The following CTNND2 variants were observed in gnomAD, a reference collection of about 807,000 sequenced individuals.
The protein encoded by CTNND2 is catenin delta 2, also known as catenin delta-2.
Under a neutral mutation model 144.4 loss-of-function variants are expected in CTNND2, and 22 were observed. The observed-to-expected ratio is 0.15, with a 90% confidence interval of 0.11 to 0.22. The LOEUF is 0.22. Among genes scored for constraint, CTNND2 ranks in the 10% least tolerant of loss-of-function variants. CTNND2 has a pLI of 1.00. For missense variants in CTNND2, 1,353 were observed against 1,618.8 expected (o/e 0.84, Z 2.82); for synonymous variants, 751 against 695.6 (o/e 1.08, Z -1.25).
intron 1 of CTNND2, among the ~76,000 whole-genome samples, chr5:11,859,263 T>C (rs1307141383): frequency 6.6e-6 from 1 of 152,246 alleles, no homozygotes; most frequent in Non-Finnish European, 1.5e-5. Context: ...TGCCATTATG[T>C]GTTATGCTTA....
chr5:11,026,651 A>G (rs547454434), intron 16 of CTNND2, among the ~76,000 whole-genome samples: 63 of 152,178 alleles, frequency 4.1e-4, no homozygotes, highest in Admixed American at 1.0e-3. Context: ...GCCACCATGC[A>G]CAGCTGACTC....
intron 3 of CTNND2, among the ~76,000 whole-genome samples, chr5:11,526,332 C>T (rs1773243871): frequency 2.0e-5 from 3 of 152,244 alleles, no homozygotes; most frequent in Admixed American, 2.0e-4. Flanking sequence ...AGCCGCCATA[C>T]AAACTTAACT....
At chr5:11,296,053 A>C (rs1189345911) in intron 9 of CTNND2, among the ~76,000 whole-genome samples, 1 of 124,398 alleles carries the variant, frequency 8.0e-6, no homozygotes, top group Non-Finnish European at 1.7e-5. Context: ...GGCAACCTAC[A>C]GAATGGGAGA....
rs144216994 is a variant in CTNND2, at chr5:11,763,407, A to T, written c.38-31135T>A. On this transcript the variant is annotated intron_variant, in intron 1 of 21. Transcript: ENST00000304623. ...AAGCCCAAGTAACCCTATGACAGTA[A>T]GTCAATGGACTAAAAACTCCTGTAG... is the stretch of plus-strand genomic sequence containing the variant. Among the ~76,000 whole-genome samples, 176 of 152,324 alleles carry T rather than the reference A, an allele frequency of 1.2e-3. 1 individual carries two copies. The highest frequency in any genetic ancestry group is 4.0e-3 in the African/African-American group (167 of 41,574).
intron 20 of CTNND2, among the ~76,000 whole-genome samples, chr5:10,985,852 C>T (rs1438884820): frequency 6.6e-6 from 1 of 152,144 alleles, no homozygotes; most frequent in African/African-American, 2.4e-5. Flanking sequence ...TTCCACCTGG[C>T]TTGGCTGGGG....
intron 1 of CTNND2, among the ~76,000 whole-genome samples, chr5:11,759,836 C>CTGAG (rs1789157258): frequency 6.6e-6 from 1 of 151,988 alleles, no homozygotes; most frequent in Non-Finnish European, 1.5e-5. Context: ...GATGATGGAA[C>CTGAG]TGAGATACAG....
intron 1 of CTNND2, among the ~76,000 whole-genome samples, chr5:11,863,871 C>T (rs577134885): frequency 1.3e-5 from 2 of 152,170 alleles, no homozygotes; most frequent in Non-Finnish European, 2.9e-5. Flanking sequence ...CTTCAACGTT[C>T]TCTACAAAAT....
chr5:11,079,284 T>A (rs1172126009), intron 16 of CTNND2, among the ~76,000 whole-genome samples: 1 of 152,094 alleles, frequency 6.6e-6, no homozygotes, highest in Admixed American at 6.5e-5. Flanking sequence ...GCCACGGGGG[T>A]TGGTCCAGCT....
chr5:11,754,426 T>C (rs533680484), intron 1 of CTNND2, among the ~76,000 whole-genome samples: 534 of 140,752 alleles, frequency 3.8e-3, no homozygotes, highest in Non-Finnish European at 7.2e-3. Context: ...TTGTGGTTTT[T>C]TGGGGGAGGG....
intron 16 of CTNND2, among the ~76,000 whole-genome samples, chr5:11,038,684 T>C (rs1355918307): frequency 6.6e-6 from 1 of 152,120 alleles, no homozygotes; most frequent in Non-Finnish European, 1.5e-5. Context: ...GGATTACTGA[T>C]TTCAGCAATC....
chr5:11,419,094 T>C (rs1762155951), intron 3 of CTNND2, among the ~76,000 whole-genome samples: 3 of 150,172 alleles, frequency 2.0e-5, no homozygotes, highest in African/African-American at 7.4e-5. Context: ...TAAAAACATA[T>C]GAACTGAAAA....
intron 3 of CTNND2, among the ~76,000 whole-genome samples, chr5:11,519,975 C>G (rs1772566416): frequency 6.9e-6 from 1 of 145,306 alleles, no homozygotes; most frequent in Admixed American, 6.8e-5. Context: ...CCCATTTCTA[C>G]TAAAAATAGA....
Position 11,420,224 on chromosome 5 carries a change from G to A in CTNND2, c.288-8155C>T, listed in dbSNP as rs188201305. Among the ~76,000 whole-genome samples, 1,208 of 152,274 alleles carry A rather than the reference G, an allele frequency of 7.9e-3. 11 individuals carry two copies. Among genetic ancestry groups the A allele is most frequent in the Admixed American group, 0.016 (248 of 15,296 alleles). On this transcript the variant is annotated intron_variant, in intron 3 of 21. Transcript: ENST00000304623. Reference sequence around the variant, plus strand: ...TGCAATCCTAGCTACTTGGGAGGCTGAGGCAGGAGAATTGCTTGAACCGGG... The same window carrying A: ...TGCAATCCTAGCTACTTGGGAGGCTAAGGCAGGAGAATTGCTTGAACCGGG...
chr5:11,175,756 A>C (rs1760422503), intron 11 of CTNND2, among the ~76,000 whole-genome samples: 1 of 152,118 alleles, frequency 6.6e-6, no homozygotes, highest in Non-Finnish European at 1.5e-5. Context: ...TGAATTCCTA[A>C]AACTTGGATC....
intron 2 of CTNND2, among the ~76,000 whole-genome samples, chr5:11,680,856 A>T (rs140128971): frequency 0.011 from 1,644 of 152,020 alleles, 28 homozygotes; most frequent in Non-Finnish European, 0.012. Context: ...TCCAAGAACC[A>T]CTCTTGTCAT....
intron 3 of CTNND2, among the ~76,000 whole-genome samples, chr5:11,551,899 C>T (rs997561149): frequency 1.3e-5 from 2 of 152,100 alleles, no homozygotes; most frequent in Admixed American, 6.6e-5. Context: ...CCACGCCTGG[C>T]GTTTTTCAAA....
At position 11,732,553 on chromosome 5, in the gene CTNND2, A is replaced by G. The variant is rs61763024; in HGVS notation, c.38-281T>C. On this transcript the variant is annotated intron_variant, in intron 1 of 21. Transcript: ENST00000304623. The stretch of plus-strand genomic sequence containing the variant: ...AATGGGGAAAGAAATCATCAGAAGG[A>G]AAAAGAAGGAGAGACTATAAGAATA... Among the ~76,000 whole-genome samples, 1,565 of 152,328 alleles carry G rather than the reference A, an allele frequency of 0.01. 12 individuals are homozygous for G. The highest frequency in any genetic ancestry group is 0.017 in the Non-Finnish European group (1,138 of 68,020).
intron 2 of CTNND2, among the ~76,000 whole-genome samples, chr5:11,729,045 C>A (rs1388125093): frequency 6.6e-6 from 1 of 152,112 alleles, no homozygotes; most frequent in African/African-American, 2.4e-5. Flanking sequence ...CTCATGGAAT[C>A]TGCTGCTTTT....
intron 3 of CTNND2, among the ~76,000 whole-genome samples, chr5:11,490,880 T>C (rs1581324010): frequency 6.6e-6 from 1 of 152,096 alleles, no homozygotes; most frequent in African/African-American, 2.4e-5. Context: ...CCCAACACTT[T>C]GGGAGGCTGA....
Sources: gnomAD v4.1 joint callset for allele counts (sites outside exome capture counted in the v4.1 genomes callset) on GRCh38, gnomAD v4.1.1 for gene constraint, MANE v1.5 for transcripts, NCBI Gene and HGNC (gene_info 2026-07-23, HGNC 2026-07-21) for gene names.